MRPS23: variants seen among roughly 807,000 people sequenced by gnomAD.
MRPS23 encodes mitochondrial ribosomal protein S23, also known as small ribosomal subunit protein mS23.
A neutral mutation model predicts 19.8 loss-of-function variants in MRPS23; 14 were observed. That is an observed-to-expected ratio of 0.71 (90% CI 0.47 to 1.11). The LOEUF (loss-of-function observed/expected upper bound fraction) is 1.11. MRPS23 is among the 50% of genes least tolerant of loss of function. The pLI is 0.00. For missense variants in MRPS23, 242 were observed against 236.7 expected (o/e 1.02, Z -0.15); for synonymous variants, 113 against 89.7 (o/e 1.26, Z -1.47).
intron 2 of MRPS23, among the ~76,000 whole-genome samples, chr17:57,844,702 G>A (rs140127928): frequency 0.014 from 2,091 of 149,554 alleles, 22 homozygotes; most frequent in Middle Eastern, 0.031. Context: ...CCCGGGAGGT[G>A]GAGGCTGCAG....
intron 2 of MRPS23, among the ~76,000 whole-genome samples, chr17:57,842,680 C>T (rs532503302): frequency 2.0e-4 from 30 of 152,090 alleles, no homozygotes; most frequent in Non-Finnish European, 2.4e-4. Context: ...TACCAATTTA[C>T]ATTCACATAG....
rs550238049 is a variant in MRPS23, at chr17:57,844,894, TTTTA to T, written c.216-3638_216-3635del. 9.6e-3 allele frequency among the ~76,000 whole-genome samples: 1,456 copies of T among 152,096 alleles called. 7 individuals carry two copies. Among genetic ancestry groups the T allele is most frequent in the South Asian group, 0.018 (88 of 4,820 alleles). ...AGAAGCACAAATGATTTTTTAAATT[TTTTA>T]TTTATTTATTTATTTTTGAGTCGGA... On this transcript the variant is annotated intron_variant, in intron 2 of 4. Transcript: ENST00000313608.
At chr17:57,849,525 G>C in intron 1 of MRPS23, 115 bp from the exon 2 acceptor site, 1 of 1,249,312 alleles carries the variant, frequency 8.0e-7, no homozygotes, top group South Asian at 1.5e-5. Context: ...AACACAGAAC[G>C]GGGAAGGACT....
chr17:57,846,484 T>A (rs2073776524), intron 2 of MRPS23, among the ~76,000 whole-genome samples: 1 of 151,810 alleles, frequency 6.6e-6, no homozygotes, highest in Admixed American at 6.6e-5. Context: ...AAGGGGGAAA[T>A]GTGGGGAAAA....
At chr17:57,844,445 TAAAA>T (rs1451409648) in intron 2 of MRPS23, among the ~76,000 whole-genome samples, 1 of 151,324 alleles carries the variant, frequency 6.6e-6, no homozygotes, top group Admixed American at 6.6e-5. Flanking sequence ...AATTAAAAAA[TAAAA>T]AAAGAATTTA....
chr17:57,849,511 C>A, intron 1 of MRPS23, 101 bp from the exon 2 acceptor site: 1 of 1,395,046 alleles, frequency 7.2e-7, no homozygotes, highest in South Asian at 1.4e-5. Flanking sequence ...ATTATGCGGT[C>A]TGCAACACAG....
intron 2 of MRPS23, among the ~76,000 whole-genome samples, chr17:57,846,068 A>C (rs1203734170): frequency 3.4e-5 from 5 of 145,750 alleles, no homozygotes; most frequent in Non-Finnish European, 3.0e-5. Flanking sequence ...AGTCCCAAAG[A>C]AGTGTGACAT....
chr17:57,849,544 C>A, intron 1 of MRPS23, 134 bp from the exon 2 acceptor site: 1 of 1,047,664 alleles, frequency 9.5e-7, no homozygotes. Context: ...CTGCTCCCCA[C>A]CTACAGAGAA....
chr17:57,840,445 T>C (rs1189623672), intron 4 of MRPS23, among the ~76,000 whole-genome samples: 2 of 152,012 alleles, frequency 1.3e-5, no homozygotes, highest in Non-Finnish European at 1.5e-5. Flanking sequence ...ACGACTCACT[T>C]GTTTCAAGTA....
At chr17:57,843,470 A>G (rs2073753411) in intron 2 of MRPS23, among the ~76,000 whole-genome samples, 1 of 152,188 alleles carries the variant, frequency 6.6e-6, no homozygotes, top group African/African-American at 2.4e-5. Context: ...CCGCTTTTCT[A>G]TTTGGTGGTT....
In MRPS23 at chr17:57,850,019, C is replaced by A. The variant is rs751674773; in HGVS notation, c.-9G>T. ...AGCCGGCTGCCTGCCATGATCTGCG[C>A]CTGGTACCGAGCGTGACTAGCTGCT... On this transcript the variant is annotated 5_prime_UTR_variant, in exon 1 of 5. Transcript: ENST00000313608. The A allele has an allele frequency of 4.4e-6, 7 of 1,591,900 alleles. No individual in the cohort carries two copies. The South Asian group carries it at 4.5e-5, about 10-fold the overall frequency.
At position 57,850,028 on chromosome 17, in the gene MRPS23, G is replaced by C. The variant is rs369402581; in HGVS notation, c.-18C>G. 1.9e-6 allele frequency: 3 copies of C among 1,588,676 alleles called. No homozygotes were observed. The highest frequency in any genetic ancestry group is 2.7e-5 in the African/African-American group (2 of 74,328). On this transcript the variant is annotated 5_prime_UTR_variant, in exon 1 of 5. Transcript: ENST00000313608. Reference sequence around the variant, plus strand: ...CCTGCCATGATCTGCGCCTGGTACCGAGCGTGACTAGCTGCTACCGGAACC... The same window carrying C: ...CCTGCCATGATCTGCGCCTGGTACCCAGCGTGACTAGCTGCTACCGGAACC...
chr17:57,842,025 T>C (rs1186895052), intron 2 of MRPS23, among the ~76,000 whole-genome samples: 5 of 152,132 alleles, frequency 3.3e-5, no homozygotes, highest in South Asian at 2.1e-4. Context: ...TTTTTTTTTT[T>C]CCAAAGAGAC....
chr17:57,839,280 G>GC lies in MRPS23; in HGVS notation c.*502dup, dbSNP rs1446930477. On this transcript the variant is annotated 3_prime_UTR_variant, in exon 5 of 5. Coordinates refer to ENST00000313608, the MANE Select transcript of MRPS23 (RefSeq NM_016070.4). ...CAGGTCCTCACTCTTACCACAAAGC[G>GC]CAAGTCAGCTTGGCCTCTCAAGTGG... The GC allele has an allele frequency of 6.5e-6, 1 of 152,832 alleles. No individual in the cohort carries two copies. Among genetic ancestry groups the GC allele is most frequent in the Non-Finnish European group, 1.5e-5 (1 of 68,610 alleles). 9.5% of individuals were successfully genotyped at this position (152,832 alleles called of 1,614,324 possible).
chr17:57,837,269 C>G lies in MRPS23; in HGVS notation c.*2514G>C, dbSNP rs1355516225. The stretch of plus-strand genomic sequence containing the variant: ...ATCAGAATGTGTAGGGGAACGCATT[C>G]TCATACATTGCTATGAGAGTATAGT... On this transcript the variant is annotated 3_prime_UTR_variant, in exon 5 of 5. Transcript: ENST00000313608. The G allele has an allele frequency of 6.6e-6, 1 of 152,190 alleles. No homozygotes were observed. Among genetic ancestry groups the G allele is most frequent in the East Asian group, 1.9e-4 (1 of 5,200 alleles). 9.4% of individuals were successfully genotyped at this position (152,190 alleles called of 1,614,324 possible). A position where few individuals can be genotyped will look rare whatever the true frequency, so the allele number is the denominator to read the frequency against.
rs983687939 is a variant in MRPS23, at chr17:57,838,854, G to A, written c.*929C>T. 1 of 152,170 alleles carries A rather than the reference G, an allele frequency of 6.6e-6. No individual in the cohort carries two copies. The highest frequency in any genetic ancestry group is 1.5e-5 in the Non-Finnish European group (1 of 68,024). The allele number at this position is 152,170 out of a possible 1,614,324, so 9.4% of individuals were successfully genotyped here. A position where few individuals can be genotyped will look rare whatever the true frequency, so the allele number is the denominator to read the frequency against. On this transcript the variant is annotated 3_prime_UTR_variant, in exon 5 of 5. Coordinates refer to ENST00000313608, the MANE Select transcript of MRPS23 (RefSeq NM_016070.4). ...AAAATCTACATGAGTTTTAAAATAGGGAATTTCTGAAGCAGCTTACTACTA... is the reference window on the plus strand; with the variant it reads ...AAAATCTACATGAGTTTTAAAATAGAGAATTTCTGAAGCAGCTTACTACTA...
rs536704915 is a variant in MRPS23, at chr17:57,849,371, C to T, written c.84G>A (p.Lys28=). 1.9e-6 allele frequency: 3 copies of T among 1,614,074 alleles called. No individual in the cohort carries two copies. Among genetic ancestry groups the T allele is most frequent in the African/African-American group, 1.3e-5 (1 of 74,942 alleles). ...CGTCATATACGTCAAACCACAGGGG[C>T]TTCTCCTTCAGCACCCCGGCCCGAA... is the stretch of plus-strand genomic sequence containing the variant. ...DLVRAGVLKE[K]PLWFDVYDAF... Residue 28 remains lysine, a synonymous_variant, in exon 2 of 5, where the codon AAG becomes AAA. Coordinates refer to ENST00000313608, the MANE Select transcript of MRPS23 (RefSeq NM_016070.4).
Position 57,850,025 on chromosome 17 carries a change from A to G in MRPS23, c.-15T>C, listed in dbSNP as rs1234213851. The G allele has an allele frequency of 6.3e-7, 1 of 1,589,028 alleles. No individual in the cohort carries two copies. The highest frequency in any genetic ancestry group is 1.1e-5 in the South Asian group (1 of 88,240). On this transcript the variant is annotated 5_prime_UTR_variant, in exon 1 of 5. Coordinates refer to ENST00000313608, the MANE Select transcript of MRPS23 (RefSeq NM_016070.4). ...CTGCCTGCCATGATCTGCGCCTGGT[A>G]CCGAGCGTGACTAGCTGCTACCGGA...
intron 2 of MRPS23, among the ~76,000 whole-genome samples, chr17:57,845,623 G>A (rs1210452449): frequency 6.6e-6 from 1 of 152,232 alleles, no homozygotes; most frequent in Non-Finnish European, 1.5e-5. Context: ...TTACATAAAT[G>A]TATAGGGATG....
Sources: gnomAD v4.1 joint callset for allele counts (sites outside exome capture counted in the v4.1 genomes callset) on GRCh38, gnomAD v4.1.1 for gene constraint, MANE v1.5 for transcripts, NCBI Gene and HGNC (gene_info 2026-07-23, HGNC 2026-07-21) for gene names.